CASD1: variants seen among roughly 807,000 people sequenced by gnomAD.
CASD1 encodes the protein N-acetylneuraminate (7)9-O-acetyltransferase.
Under a neutral mutation model 100.0 loss-of-function variants are expected in CASD1, and 41 were observed. That is an observed-to-expected ratio of 0.41 (90% CI 0.32 to 0.53). CASD1 has a LOEUF of 0.53. Among genes scored for constraint, CASD1 ranks in the 20% least tolerant of loss-of-function variants. The probability of loss-of-function intolerance (pLI) is 0.25; values close to 1 mark genes in which losing one functional copy is unlikely to be tolerated. For missense variants in CASD1, 774 were observed against 948.7 expected, an observed-to-expected ratio of 0.82 and a Z score of 2.42; for synonymous variants, 321 against 315.6, an observed-to-expected ratio of 1.02 and a Z score of -0.18.
At chr7:94,594,970 T>TA in the CASD1 span, among the ~76,000 whole-genome samples, 1 of 152,136 alleles carries the variant, frequency 6.6e-6, no homozygotes, top group African/African-American at 2.4e-5. Flanking sequence ...ACTGCCTCTT[T>TA]ATTCATTTTG....
the CASD1 span, chr7:94,620,827 G>A: frequency 6.6e-6 from 1 of 152,206 alleles, no homozygotes; most frequent in Non-Finnish European, 1.5e-5. Flanking sequence ...CTTTGAGCTG[G>A]GCAGCTGCCT....
At chr7:94,599,714 TCTC>T in the CASD1 span, 1 of 1,608,696 alleles carries the variant, frequency 6.2e-7, no homozygotes, top group Non-Finnish European at 8.5e-7. Context: ...TTTGCATGTT[TCTC>T]TTTTCCCTAG....
chr7:94,588,695 T>G, the CASD1 span: 1 of 1,599,250 alleles, frequency 6.3e-7, no homozygotes, highest in Non-Finnish European at 8.6e-7. Context: ...TCACCTGTAG[T>G]CTGCTGTTGG....
chr7:94,522,330 C>A (rs1425837239), intron 3 of CASD1, among the ~76,000 whole-genome samples: 2 of 152,170 alleles, frequency 1.3e-5, no homozygotes, highest in African/African-American at 2.4e-5. Context: ...AAGGCAAAAG[C>A]ATTTTCAGGG....
the CASD1 span, among the ~76,000 whole-genome samples, chr7:94,569,925 TGCCTCAG>T: frequency 6.6e-6 from 1 of 152,058 alleles, no homozygotes; most frequent in African/African-American, 2.4e-5. Flanking sequence ...GCTATTCTCT[TGCCTCAG>T]CCTCCCAAGT....
chr7:94,560,954 A>G (rs1796329258), downstream of CASD1, among the ~76,000 whole-genome samples: 1 of 152,214 alleles, frequency 6.6e-6, no homozygotes, highest in Non-Finnish European at 1.5e-5. Flanking sequence ...AAAATTTAAA[A>G]TTTCAGTATG....
At chr7:94,570,535 C>A in the CASD1 span, among the ~76,000 whole-genome samples, 1 of 152,084 alleles carries the variant, frequency 6.6e-6, no homozygotes, top group Non-Finnish European at 1.5e-5. Context: ...CCCTCTGTCA[C>A]CCAGGCTGGA....
the CASD1 span, among the ~76,000 whole-genome samples, chr7:94,630,297 T>G: frequency 6.6e-6 from 1 of 151,860 alleles, no homozygotes; most frequent in Admixed American, 6.6e-5. Flanking sequence ...CTATACTAAT[T>G]GTTTTCTAGA....
At chr7:94,567,942 A>G in the CASD1 span, among the ~76,000 whole-genome samples, 1 of 152,184 alleles carries the variant, frequency 6.6e-6, no homozygotes, top group Non-Finnish European at 1.5e-5. Context: ...TTTAACATTT[A>G]TCCTAAATTA....
chr7:94,537,662 C>T lies in CASD1; in HGVS notation c.1034C>T (p.Thr345Ile), dbSNP rs35024967. The T allele has an allele frequency of 9.6e-4, 1,547 of 1,613,716 alleles. 3 individuals carry two copies. The highest frequency in any genetic ancestry group is 1.5e-3 in the South Asian group (136 of 91,072). Reference sequence around the variant, plus strand: ...GCTCATCGGAAGAATAAGCCGTGTACTGATTTGGAAAGTGGAGAGGAAAAG... The same window carrying T: ...GCTCATCGGAAGAATAAGCCGTGTATTGATTTGGAAAGTGGAGAGGAAAAG... ...RNAHRKNKPC[T>I]DLESGEEKKN... The change falls in exon 9 of 18, where the codon ACT becomes ATT. Residue 345 changes from threonine (T) to isoleucine (I), a missense_variant. Physicochemically the swap from Thr to Ile is moderately conservative, Grantham distance 89 (BLOSUM62 -1). Transcript: ENST00000297273.
At chr7:94,581,097 T>A in the CASD1 span, among the ~76,000 whole-genome samples, 1 of 152,158 alleles carries the variant, frequency 6.6e-6, no homozygotes, top group African/African-American at 2.4e-5. Flanking sequence ...GTGAAAAATA[T>A]CACTCTCCTA....
the CASD1 span, among the ~76,000 whole-genome samples, chr7:94,576,129 T>C: frequency 6.6e-6 from 1 of 152,226 alleles, no homozygotes; most frequent in Non-Finnish European, 1.5e-5. Context: ...GATGATATGC[T>C]TATGGAATAA....
chr7:94,516,175 C>T (rs886833839), intron 1 of CASD1, among the ~76,000 whole-genome samples: 7 of 151,864 alleles, frequency 4.6e-5, no homozygotes, highest in African/African-American at 1.5e-4. Context: ...CTGCTCAAGC[C>T]GTGTATATAG....
chr7:94,603,447 T>A, the CASD1 span: 2 of 1,612,830 alleles, frequency 1.2e-6, no homozygotes, highest in Non-Finnish European at 1.7e-6. Flanking sequence ...AACCATGACA[T>A]AAACGCTGTA....
At chr7:94,572,745 T>C in the CASD1 span, among the ~76,000 whole-genome samples, 1 of 152,164 alleles carries the variant, frequency 6.6e-6, no homozygotes, top group Admixed American at 6.5e-5. Flanking sequence ...TAGATCCCAT[T>C]TGTCATTTTT....
chr7:94,605,835 T>G, the CASD1 span, among the ~76,000 whole-genome samples: 8 of 152,202 alleles, frequency 5.3e-5, no homozygotes, highest in Middle Eastern at 3.4e-3. Context: ...TTATTTTATT[T>G]TATTTTTATT....
the CASD1 span, among the ~76,000 whole-genome samples, chr7:94,610,965 C>T: frequency 6.6e-6 from 1 of 152,110 alleles, no homozygotes; most frequent in Non-Finnish European, 1.5e-5. Context: ...TTCACTTTCA[C>T]TAGGATGGCT....
chr7:94,632,568 A>G, the CASD1 span, among the ~76,000 whole-genome samples: 1 of 152,250 alleles, frequency 6.6e-6, no homozygotes, highest in East Asian at 1.9e-4. Flanking sequence ...TGAGAAAAAC[A>G]TGATACAGAT....
intron 10 of CASD1, 72 bp from the exon 11 acceptor site, chr7:94,544,339 A>G (rs1032290257): frequency 7.8e-6 from 12 of 1,529,582 alleles, no homozygotes; most frequent in Non-Finnish European, 1.1e-5. Context: ...TCTTTGTTAA[A>G]TGTACTTGTT....
Sources: gnomAD v4.1 joint callset for allele counts (sites outside exome capture counted in the v4.1 genomes callset) on GRCh38, gnomAD v4.1.1 for gene constraint, MANE v1.5 for transcripts, NCBI Gene and HGNC (gene_info 2026-07-23, HGNC 2026-07-21) for gene names.